Variants in DGKK observed in about 807,000 individuals in gnomAD.
DGKK encodes 142 kDa diacylglycerol kinase.
A neutral mutation model predicts 92.2 loss-of-function variants in DGKK; 35 were observed. The observed-to-expected ratio is 0.38, with a 90% CI of 0.29 to 0.50. The LOEUF (loss-of-function observed/expected upper bound fraction) is 0.50. DGKK is among the 20% of genes least tolerant of loss of function. DGKK has a pLI of 0.92. For missense variants in DGKK, 910 were observed against 992.2 expected, an observed-to-expected ratio of 0.92 and a Z score of 1.11; for synonymous variants, 368 against 360.6, an observed-to-expected ratio of 1.02 and a Z score of -0.23.
chrX:50,422,413 C>G (rs782710146), intron 3 of DGKK, 33 bp downstream of exon 3: 25 of 1,121,848 alleles, frequency 2.2e-5, no homozygotes, highest in Non-Finnish European at 2.9e-5. Flanking sequence ...AGCCCCTACC[C>G]CTGCCCATTC....
chrX:50,414,662 T>C (rs1160006382), intron 4 of DGKK, among the ~76,000 whole-genome samples: 1 of 111,648 alleles, frequency 9.0e-6, no homozygotes, highest in Non-Finnish European at 1.9e-5. Flanking sequence ...AAAAATCCCA[T>C]AGAATTTAGA....
chrX:50,424,257 G>T lies in DGKK; in HGVS notation c.747C>A (p.His249Gln), dbSNP rs1464432561. The change falls in exon 2 of 28, where the codon CAC becomes CAA. Residue 249 changes from histidine to glutamine, a missense_variant. Physicochemically the swap from His to Gln is conservative, Grantham distance 24 (BLOSUM62 0). Coordinates refer to ENST00000611977, the MANE Select transcript of DGKK (RefSeq NM_001013742.4). ...ATATGCTATACATTACCGCGGGATG[G>T]TGTGCAAAGTAGAGCTTCTGTCCTT... ...LVQGQKLYFA[H>Q]HPAFAHFETI... 1 of 1,208,009 alleles carries T rather than the reference G, an allele frequency of 8.3e-7. No homozygotes were observed. Among genetic ancestry groups the T allele is most frequent in the Non-Finnish European group, 1.1e-6 (1 of 893,842 alleles).
In DGKK at chrX:50,366,640, T is replaced by C. The variant is rs1923981807; in HGVS notation, c.*2300A>G. On this transcript the variant is annotated 3_prime_UTR_variant, in exon 28 of 28. Coordinates refer to ENST00000611977, the MANE Select transcript of DGKK (RefSeq NM_001013742.4). ...TAGTCACTGCCAAGATAAAGCTATCTTCTCCCAGGACTTCCTTCTGTAGTC... is the reference window on the plus strand; with the variant it reads ...TAGTCACTGCCAAGATAAAGCTATCCTCTCCCAGGACTTCCTTCTGTAGTC... 8.9e-6 allele frequency: 1 copy of C among 112,338 alleles called. No individual in the cohort carries two copies. The highest frequency in any genetic ancestry group is 9.4e-5 in the Admixed American group (1 of 10,648). The allele number at this position is 112,338 out of a possible 1,213,427, so 9.3% of individuals were successfully genotyped here. A position where few individuals can be genotyped will look rare whatever the true frequency, so the allele number is the denominator to read the frequency against.
chrX:50,370,875 T>G (rs782411186), intron 26 of DGKK, among the ~76,000 whole-genome samples: 1 of 112,567 alleles, frequency 8.9e-6, no homozygotes, highest in East Asian at 2.8e-4. Context: ...ATATTTCACC[T>G]GAGCTCATGT....
chrX:50,457,975 G>A (rs782437561), intron 1 of DGKK, among the ~76,000 whole-genome samples: 7 of 110,164 alleles, frequency 6.4e-5, no homozygotes, highest in African/African-American at 1.7e-4. Flanking sequence ...CCATGTTTCC[G>A]AGAAAGTATG....
At position 50,367,873 on chromosome X, in the gene DGKK, CAGCCACCTCT is replaced by C. The variant is rs1286722448; in HGVS notation, c.*1057_*1066del. ...TCAGAATCAGCTGGGCCATAGATCC[CAGCCACCTCT>C]AAGACGCTGAAAATGCACCAAAAGA... On this transcript the variant is annotated 3_prime_UTR_variant, in exon 28 of 28. Coordinates refer to ENST00000611977, the MANE Select transcript of DGKK (RefSeq NM_001013742.4). 2 of 109,849 alleles carry C rather than the reference CAGCCACCTCT, an allele frequency of 1.8e-5. No individual in the cohort carries two copies. Among genetic ancestry groups the C allele is most frequent in the African/African-American group, 6.6e-5 (2 of 30,108 alleles). 9.1% of individuals were successfully genotyped at this position (109,849 alleles called of 1,213,427 possible).
intron 1 of DGKK, among the ~76,000 whole-genome samples, chrX:50,458,866 C>G (rs782476898): frequency 5.4e-5 from 6 of 111,810 alleles, no homozygotes; most frequent in Non-Finnish European, 9.4e-5. Flanking sequence ...CTGCCCAATT[C>G]AAGTATAACT....
intron 22 of DGKK, among the ~76,000 whole-genome samples, chrX:50,377,756 T>C (rs1323065169): frequency 8.9e-6 from 1 of 111,992 alleles, no homozygotes; most frequent in Non-Finnish European, 1.9e-5. Flanking sequence ...CGCTTTTAGC[T>C]CTCTTTGCAG....
At position 50,450,408 on chromosome X, in the gene DGKK, T is replaced by G. The variant is rs1054263691; in HGVS notation, c.645+19626A>C. Reference sequence around the variant, plus strand: ...GAACTTGGATGTTGCTGCCCTGCCTTTTTTATCTGGCTGACCTTGTTCCGT... The same window carrying G: ...GAACTTGGATGTTGCTGCCCTGCCTGTTTTATCTGGCTGACCTTGTTCCGT... On this transcript the variant is annotated intron_variant, in intron 1 of 27. Transcript: ENST00000611977. 8.0e-5 allele frequency among the ~76,000 whole-genome samples: 9 copies of G among 112,097 alleles called. No homozygotes were observed. In the Admixed American group the frequency reaches 8.5e-4, roughly 11 times the overall value.
In DGKK at chrX:50,376,072, G is replaced by T. The variant is rs1557223797; in HGVS notation, c.3366C>A (p.Gly1122=). 8.3e-7 allele frequency: 1 copy of T among 1,210,845 alleles called. No individual in the cohort carries two copies. The highest frequency in any genetic ancestry group is 1.8e-5 in the South Asian group (1 of 56,759). ...CACCCATCTCATTGCCACTGTCTTG[G>T]CCGTAAAATATATCATTCAGGATGT... ...SANILNDIFY[G]QDSGNEMGAA... The change falls in exon 24 of 28, where the codon GGC becomes GGA. Residue 1122 remains glycine, a synonymous_variant. Coordinates refer to ENST00000611977, the MANE Select transcript of DGKK (RefSeq NM_001013742.4).
At chrX:50,462,071 G>T in intron 1 of DGKK, among the ~76,000 whole-genome samples, 1 of 111,677 alleles carries the variant, frequency 9.0e-6, no homozygotes, top group Non-Finnish European at 1.9e-5. Context: ...ATTCTCTGTA[G>T]TGTTAGATGG....
chrX:50,380,687 AGCGTCTTGTTGACT>A (rs1419758611), intron 18 of DGKK, among the ~76,000 whole-genome samples: 2 of 111,320 alleles, frequency 1.8e-5, no homozygotes, highest in Non-Finnish European at 3.8e-5. Context: ...TGGGGAGGAC[AGCGTCTTGTTGACT>A]GTGGAATCTC....
intron 10 of DGKK, 24 bp from the exon 11 acceptor site, chrX:50,391,600 C>T (rs1231738402): frequency 8.3e-7 from 1 of 1,208,702 alleles, no homozygotes; most frequent in Non-Finnish European, 1.1e-6. Flanking sequence ...AGGAGACACC[C>T]TTTTCAGACA....
At chrX:50,416,922 G>T in intron 4 of DGKK, among the ~76,000 whole-genome samples, 1 of 110,004 alleles carries the variant, frequency 9.1e-6, no homozygotes, top group Non-Finnish European at 1.9e-5. Context: ...TAATTAGGAG[G>T]AATTTACGAT....
intron 4 of DGKK, among the ~76,000 whole-genome samples, chrX:50,404,691 G>A (rs1175276584): frequency 1.8e-5 from 2 of 110,739 alleles, no homozygotes; most frequent in Non-Finnish European, 3.8e-5. Context: ...ACAAGCGTGA[G>A]CCACTGTGCC....
intron 12 of DGKK, among the ~76,000 whole-genome samples, chrX:50,389,568 G>C (rs1924632217): frequency 9.0e-6 from 1 of 111,658 alleles, no homozygotes; most frequent in Non-Finnish European, 1.9e-5. Flanking sequence ...CATCAATGTA[G>C]AAATTTTCAT....
Position 50,365,813 on chromosome X carries a change from G to A in DGKK, c.*3127C>T, listed in dbSNP as rs2147113532. ...TTGTGTCCTGAGGGAAGATGACGTT[G>A]ACCCTGACTGTTTCTTCTGGCCCAG... On this transcript the variant is annotated 3_prime_UTR_variant, in exon 28 of 28. Transcript: ENST00000611977. The A allele has an allele frequency of 8.9e-6, 1 of 111,811 alleles. No homozygotes were observed. Among genetic ancestry groups the A allele is most frequent in the African/African-American group, 3.2e-5 (1 of 30,790 alleles). The allele number at this position is 111,811 out of a possible 1,213,427, so 9.2% of individuals were successfully genotyped here. A position where few individuals can be genotyped will look rare whatever the true frequency, so the allele number is the denominator to read the frequency against.
At chrX:50,454,043 C>T (rs1307026035) in intron 1 of DGKK, among the ~76,000 whole-genome samples, 2 of 110,008 alleles carry the variant, frequency 1.8e-5, no homozygotes, top group Non-Finnish European at 1.9e-5. Flanking sequence ...ATCTCTGTTC[C>T]TTTGCTCACA....
chrX:50,378,294 G>A, intron 21 of DGKK, 62 bp from the exon 22 acceptor site: 3 of 1,140,941 alleles, frequency 2.6e-6, no homozygotes, highest in Non-Finnish European at 3.5e-6. Flanking sequence ...AACTCTATCT[G>A]ATAATCTCAT....
Sources: gnomAD v4.1 joint callset for allele counts (sites outside exome capture counted in the v4.1 genomes callset) on GRCh38, gnomAD v4.1.1 for gene constraint, MANE v1.5 for transcripts, NCBI Gene and HGNC (gene_info 2026-07-23, HGNC 2026-07-21) for gene names.